SCUBE3: variants seen among roughly 807,000 people sequenced by gnomAD.
SCUBE3 encodes signal peptide, CUB and EGF-like domain-containing protein 3.
SCUBE3 carries 33 observed loss-of-function variants against 116.8 expected under a neutral mutation model. That is an observed-to-expected ratio of 0.28 (90% CI 0.21 to 0.38). SCUBE3 has a LOEUF of 0.38. Among genes scored for constraint, SCUBE3 ranks in the 10% least tolerant of loss-of-function variants. The probability of loss-of-function intolerance (pLI) is 1.00; values close to 1 mark genes in which losing one functional copy is unlikely to be tolerated. For missense variants in SCUBE3, 1,007 were observed against 1,324.8 expected (o/e 0.76, Z 3.72); for synonymous variants, 418 against 496.9 (o/e 0.84, Z 2.11).
chr6:35,247,728 C>A (rs1784406314), intron 21 of SCUBE3, among the ~76,000 whole-genome samples: 1 of 152,178 alleles, frequency 6.6e-6, no homozygotes, highest in Admixed American at 6.5e-5. Flanking sequence ...GAGGCTGAAA[C>A]CCCTACTTCT....
rs940896871 is a variant in SCUBE3, at chr6:35,241,856, G to C, written c.1363G>C (p.Ala455Pro). Reference sequence around the variant, plus strand: ...CTGTGGGACCCCCAGCCCCAGGGCTGCTCCAGCCCGAGCTGGCCACAATGG... The same window carrying C: ...CTGTGGGACCCCCAGCCCCAGGGCTCCTCCAGCCCGAGCTGGCCACAATGG... ...VSCGTPSPRA[A>P]PARAGHNGNS... is the part of the protein sequence containing the mutation. The change falls in exon 12 of 22, where the codon GCT becomes CCT. Residue 455 changes from alanine to proline, a missense_variant. Ala to Pro is a conservative substitution (Grantham distance 27). Transcript: ENST00000274938. The surrounding 1 kb of genome is among the most constrained non-coding windows in gnomAD (Gnocchi z 4.1). 6.2e-7 allele frequency: 1 copy of C among 1,612,538 alleles called. No homozygotes were observed. The highest frequency in any genetic ancestry group is 1.3e-5 in the African/African-American group (1 of 75,046).
intron 21 of SCUBE3, among the ~76,000 whole-genome samples, chr6:35,247,168 A>G (rs932924613): frequency 1.3e-5 from 2 of 150,892 alleles, no homozygotes; most frequent in African/African-American, 2.4e-5. Flanking sequence ...CGCATGGTGG[A>G]TCATGCCTGT....
In SCUBE3 at chr6:35,245,559, C is replaced by G; in HGVS notation, c.2599+134C>G. The G allele has an allele frequency of 1.4e-6, 1 of 707,742 alleles. No homozygotes were observed. Among genetic ancestry groups the G allele is most frequent in the Non-Finnish European group, 2.4e-6 (1 of 417,382 alleles). The allele number at this position is 707,742 out of a possible 1,614,324, so 43.8% of individuals were successfully genotyped here. A position where few individuals can be genotyped will look rare whatever the true frequency, so the allele number is the denominator to read the frequency against. ...TCTATGAGGGTGAAATAGTGAGAGG[C>G]CTTTAGGAAGAGAGAAGCTAACAAA... is the stretch of plus-strand genomic sequence containing the variant. On this transcript the variant is annotated intron_variant, in intron 19 of 21. Coordinates refer to ENST00000274938, the MANE Select transcript of SCUBE3 (RefSeq NM_152753.4). This position sits in a 1 kb window ranked among gnomAD's most constrained non-coding sequence, Gnocchi z 4.2.
rs556863146 is a variant in SCUBE3 at position 35,239,840 on chromosome 6, C to G, written c.918C>G (p.Gly306=). ...GCTTCGAATGCAGTTGCAAGAAAGG[C>G]TATAAGCTTCTCATCAATGAGAGGA... ...VGSFECSCKK[G]YKLLINERNC... Residue 306 remains glycine, a synonymous_variant, in exon 8 of 22, where the codon GGC becomes GGG. Coordinates refer to ENST00000274938, the MANE Select transcript of SCUBE3 (RefSeq NM_152753.4). This position sits in a 1 kb window ranked among gnomAD's most constrained non-coding sequence, Gnocchi z 4.1. 25 of 1,610,050 alleles carry G rather than the reference C, an allele frequency of 1.6e-5. No homozygotes were observed. Among genetic ancestry groups the G allele is most frequent in the Non-Finnish European group, 2.0e-5 (24 of 1,178,830 alleles).
In SCUBE3 at chr6:35,239,845, A is replaced by G. The variant is rs1168402882; in HGVS notation, c.923A>G (p.Lys308Arg). Residue 308 changes from lysine to arginine, a missense_variant, in exon 8 of 22, where the codon AAG becomes AGG. Lys to Arg is a conservative substitution (Grantham distance 26). Coordinates refer to ENST00000274938, the MANE Select transcript of SCUBE3 (RefSeq NM_152753.4). The surrounding 1 kb of genome is among the most constrained non-coding windows in gnomAD (Gnocchi z 4.1). ...GAATGCAGTTGCAAGAAAGGCTATA[A>G]GCTTCTCATCAATGAGAGGAACTGC... ...SFECSCKKGY[K>R]LLINERNCQD... 1 of 1,610,282 alleles carries G rather than the reference A, an allele frequency of 6.2e-7. No homozygotes were observed. The highest frequency in any genetic ancestry group is 2.2e-5 in the East Asian group (1 of 44,758).
At position 35,231,974 on chromosome 6, in the gene SCUBE3, T is replaced by G; in HGVS notation, c.469+115T>G. 1.1e-6 allele frequency: 1 copy of G among 905,310 alleles called. No individual in the cohort carries two copies. 56.1% of individuals were successfully genotyped at this position (905,310 alleles called of 1,614,324 possible). ...CATTCTCAACTCAGCTAGCTCCTTC[T>G]TCTCTTGTCCTTCAACTCAATCACA... is the stretch of plus-strand genomic sequence containing the variant. On this transcript the variant is annotated intron_variant, in intron 4 of 21. Transcript: ENST00000274938. The surrounding 1 kb of genome is among the most constrained non-coding windows in gnomAD (Gnocchi z 4.2).
At chr6:35,248,168 G>A (rs924216686) in intron 21 of SCUBE3, among the ~76,000 whole-genome samples, 2 of 56,136 alleles carry the variant, frequency 3.6e-5, no homozygotes, top group Non-Finnish European at 5.3e-5. Context: ...GTCTACGGAG[G>A]GACAAAGGTA....
chr6:35,244,692 G>A lies in SCUBE3; in HGVS notation c.2282G>A (p.Arg761His), dbSNP rs539202897. 16 of 1,614,072 alleles carry A rather than the reference G, an allele frequency of 9.9e-6. No individual in the cohort carries two copies. The highest frequency in any genetic ancestry group is 6.7e-5 in the East Asian group (3 of 44,880). The change falls in exon 18 of 22, where the codon CGC becomes CAC. Residue 761 changes from arginine to histidine, a missense_variant. Arg to His is a conservative substitution (Grantham distance 29). Coordinates refer to ENST00000274938, the MANE Select transcript of SCUBE3 (RefSeq NM_152753.4). This position sits in a 1 kb window ranked among gnomAD's most constrained non-coding sequence, Gnocchi z 4.3. ...CACTACTACAACACCAGCATCCACC[G>A]CTGTATTCGCTGTGCCATGGGCTCC... ...PGHYYNTSIH[R>H]CIRCAMGSYQ... is the part of the protein sequence containing the mutation.
In SCUBE3 at chr6:35,238,019, G is replaced by T; in HGVS notation, c.829+1G>T. 1 of 1,574,934 alleles carries T rather than the reference G, an allele frequency of 6.3e-7. No homozygotes were observed. The highest frequency in any genetic ancestry group is 1.7e-5 in the Admixed American group (1 of 59,716). On this transcript the variant is annotated splice_donor_variant, in intron 7 of 21. Coordinates refer to ENST00000274938, the MANE Select transcript of SCUBE3 (RefSeq NM_152753.4). LOFTEE classifies it high-confidence loss of function. ...CAGCCAGACAGGAAGACGTGCAAAG[G>T]TAAGGACTTTGAGAGGACAGAAGCA...
chr6:35,237,575 C>CT (rs2150304981), intron 6 of SCUBE3, among the ~76,000 whole-genome samples: 1 of 152,296 alleles, frequency 6.6e-6, no homozygotes, highest in East Asian at 1.9e-4. Flanking sequence ...CCATCCCTCC[C>CT]TACTGCCCCC....
At position 35,240,249 on chromosome 6, in the gene SCUBE3, T is replaced by G; in HGVS notation, c.953-125T>G. On this transcript the variant is annotated intron_variant, in intron 8 of 21. Coordinates refer to ENST00000274938, the MANE Select transcript of SCUBE3 (RefSeq NM_152753.4). This position sits in a 1 kb window ranked among gnomAD's most constrained non-coding sequence, Gnocchi z 4.6. Reference sequence around the variant, plus strand: ...ATTGTTAAATCACTGGTCCTAGAGCTAGGACATGAATAGGAACTCTTCAGT... The same window carrying G: ...ATTGTTAAATCACTGGTCCTAGAGCGAGGACATGAATAGGAACTCTTCAGT... The G allele has an allele frequency of 1.7e-6, 1 of 593,218 alleles. No homozygotes were observed. Among genetic ancestry groups the G allele is most frequent in the Non-Finnish European group, 3.0e-6 (1 of 336,478 alleles). 36.7% of individuals were successfully genotyped at this position (593,218 alleles called of 1,614,324 possible).
At chr6:35,218,157 G>A in intron 1 of SCUBE3, 1 of 985,298 alleles carries the variant, frequency 1.0e-6, no homozygotes, top group Non-Finnish European at 1.2e-6. Context: ...GGTTTGAGAT[G>A]TGAGCAGCTG....
chr6:35,226,697 C>G (rs114104894), intron 1 of SCUBE3, among the ~76,000 whole-genome samples: 1 of 151,998 alleles, frequency 6.6e-6, no homozygotes, highest in Non-Finnish European at 1.5e-5. Context: ...TCAGGCTGGT[C>G]TCGAACTCCT....
chr6:35,239,326 C>T lies in SCUBE3; in HGVS notation c.830-426C>T, dbSNP rs371911749. Among the ~76,000 whole-genome samples the T allele has an allele frequency of 2.2e-4, 33 of 152,224 alleles. No individual in the cohort carries two copies. In the East Asian group the frequency reaches 5.2e-3, roughly 24 times the overall value. On this transcript the variant is annotated intron_variant, in intron 7 of 21. Transcript: ENST00000274938. This position sits in a 1 kb window ranked among gnomAD's most constrained non-coding sequence, Gnocchi z 4.1. Reference sequence around the variant, plus strand: ...CACCTCTCCTTGCCCCGCACCCCCCCAACCCCCCGTCCTGAGGGACAGGAA... The same window carrying T: ...CACCTCTCCTTGCCCCGCACCCCCCTAACCCCCCGTCCTGAGGGACAGGAA...
At position 35,214,479 on chromosome 6, in the gene SCUBE3, GC is replaced by G; in HGVS notation, c.64del (p.Gln22SerfsTer109). On this transcript the variant is annotated frameshift_variant, in exon 1 of 22. Coordinates refer to ENST00000274938, the MANE Select transcript of SCUBE3 (RefSeq NM_152753.4). LOFTEE classifies it high-confidence loss of function. This position sits in a 1 kb window ranked among gnomAD's most constrained non-coding sequence, Gnocchi z 6.3. The part of the protein sequence containing the change: ...LLVLLVHARA[A>X]QYSKAAQDVD... ...TGTCCTGCTGGTCCACGCCCGCGCC[GC>G]CCAGTACAGCAAAGCCGCGCAAGGT... 6.7e-7 allele frequency: 1 copy of G among 1,503,466 alleles called. No homozygotes were observed. Among genetic ancestry groups the G allele is most frequent in the African/African-American group, 1.4e-5 (1 of 69,990 alleles). 93.1% of individuals were successfully genotyped at this position (1,503,466 alleles called of 1,614,324 possible).
In SCUBE3 at chr6:35,243,327, C is replaced by T; in HGVS notation, c.1909+91C>T. Reference sequence around the variant, plus strand: ...ACCCTTTGTGGCCTCAGATGCATTTCTCAAATTATGAGGCAGCCAGGATGC... The same window carrying T: ...ACCCTTTGTGGCCTCAGATGCATTTTTCAAATTATGAGGCAGCCAGGATGC... On this transcript the variant is annotated intron_variant, in intron 15 of 21. Coordinates refer to ENST00000274938, the MANE Select transcript of SCUBE3 (RefSeq NM_152753.4). This position sits in a 1 kb window ranked among gnomAD's most constrained non-coding sequence, Gnocchi z 6.6. 8.6e-7 allele frequency: 1 copy of T among 1,158,408 alleles called. No individual in the cohort carries two copies. The highest frequency in any genetic ancestry group is 2.4e-5 in the East Asian group (1 of 40,944). The allele number at this position is 1,158,408 out of a possible 1,614,324, so 71.8% of individuals were successfully genotyped here.
At chr6:35,237,877 C>G (rs750210218) in intron 6 of SCUBE3, 25 bp from the exon 7 acceptor site, 1 of 1,452,606 alleles carries the variant, frequency 6.9e-7, no homozygotes, top group East Asian at 2.3e-5. Context: ...ACCTCATTAC[C>G]ATCCCCCACT....
Position 35,245,115 on chromosome 6 carries a change from C to T in SCUBE3, c.2402-113C>T. On this transcript the variant is annotated intron_variant, in intron 18 of 21. Coordinates refer to ENST00000274938, the MANE Select transcript of SCUBE3 (RefSeq NM_152753.4). This position sits in a 1 kb window ranked among gnomAD's most constrained non-coding sequence, Gnocchi z 4.2. ...TGGAAAATAATGATGAACTAGAACG[C>T]AGACTTCCCATAAATGTCTGACCTC... 1 of 966,536 alleles carries T rather than the reference C, an allele frequency of 1.0e-6. No individual in the cohort carries two copies. Among genetic ancestry groups the T allele is most frequent in the East Asian group, 2.4e-5 (1 of 41,806 alleles). 59.9% of individuals were successfully genotyped at this position (966,536 alleles called of 1,614,324 possible). A position where few individuals can be genotyped will look rare whatever the true frequency, so the allele number is the denominator to read the frequency against.
Position 35,244,673 on chromosome 6 carries a change from T to C in SCUBE3, c.2263T>C (p.Tyr755His). Residue 755 changes from tyrosine (Y) to histidine (H), a missense_variant, in exon 18 of 22, where the codon TAC (tyrosine) becomes CAC (histidine). Tyr to His is a moderately conservative substitution (Grantham distance 83). Around this residue, in one of 5 missense-constraint regions of SCUBE3, gnomAD observed 544 missense variants for 638.9 expected, o/e 0.85. Transcript: ENST00000274938. This position sits in a 1 kb window ranked among gnomAD's most constrained non-coding sequence, Gnocchi z 4.3. ...TKVQCSPGHY[Y>H]NTSIHRCIRC... is the part of the protein sequence containing the mutation. ...AGTCCAGTGCTCCCCAGGGCACTAC[T>C]ACAACACCAGCATCCACCGCTGTAT... 6.2e-7 allele frequency: 1 copy of C among 1,614,176 alleles called. No homozygotes were observed. Among genetic ancestry groups the C allele is most frequent in the Non-Finnish European group, 8.5e-7 (1 of 1,180,012 alleles).
Sources: gnomAD v4.1 joint callset for allele counts (sites outside exome capture counted in the v4.1 genomes callset) on GRCh38, gnomAD v4.1.1 for gene constraint, gnomAD v4.1.1 regional missense constraint, Gnocchi (gnomAD v3.1) non-coding constraint, MANE v1.5 for transcripts, NCBI Gene and HGNC (gene_info 2026-07-23, HGNC 2026-07-21) for gene names.